Variants in C5 observed in about 807,000 individuals in gnomAD.
C5 encodes the protein complement C5.
A neutral mutation model predicts 218.8 loss-of-function variants in C5; 140 were observed. The ratio of observed to expected loss-of-function variants is 0.64; its 90% CI spans 0.56 to 0.74. The LOEUF is 0.74. C5 is among the 30% of genes least tolerant of loss of function. The pLI, the probability that C5 is intolerant of heterozygous loss-of-function variation, is 0.00. For synonymous variants in C5, 614 were observed against 682.3 expected (o/e 0.90, Z 1.56); for missense variants, 1,700 against 1,969.6 (o/e 0.86, Z 2.59).
At chr9:120,978,644 A>T (rs1172147128) in intron 28 of C5, among the ~76,000 whole-genome samples, 1 of 152,250 alleles carries the variant, frequency 6.6e-6, no homozygotes, top group Non-Finnish European at 1.5e-5. Flanking sequence ...AGATTTATAA[A>T]GCCTTAGCTA....
Position 121,027,231 on chromosome 9 carries a change from T to C in C5, c.802A>G (p.Thr268Ala). Residue 268 changes from threonine to alanine, a missense_variant, in exon 8 of 41, where the codon ACA (threonine) becomes GCA (alanine). Physicochemically the swap from Thr to Ala is moderately conservative, Grantham distance 58. Transcript: ENST00000223642. ...KVVTEADVYI[T>A]FGIREDLKDD... ...TTTAAGTCTTCTCTTATTCCAAATG[T>C]GATATAAACGTCAGCCTCAGTGACT... 6.2e-7 allele frequency: 1 copy of C among 1,601,728 alleles called. No homozygotes were observed. The highest frequency in any genetic ancestry group is 1.1e-5 in the South Asian group (1 of 90,304).
chr9:120,998,697 A>T (rs2047137512), intron 20 of C5, among the ~76,000 whole-genome samples: 1 of 152,068 alleles, frequency 6.6e-6, no homozygotes, highest in Non-Finnish European at 1.5e-5. Flanking sequence ...GGTTGCATGA[A>T]CTCTCTAATC....
In C5 at chr9:121,032,172, G is replaced by A; in HGVS notation, c.608C>T (p.Ala203Val). 1 of 1,605,938 alleles carries A rather than the reference G, an allele frequency of 6.2e-7. No homozygotes were observed. Among genetic ancestry groups the A allele is most frequent in the Non-Finnish European group, 8.5e-7 (1 of 1,172,826 alleles). The change falls in exon 6 of 41, where the codon GCT becomes GTT. Residue 203 changes from alanine to valine, a missense_variant. Coordinates refer to ENST00000223642, the MANE Select transcript of C5 (RefSeq NM_001735.3). ...TGTTGAAAAGTCCTCTTTATATTTAGCCTTGATCGTCCACATACCATATCT... is the reference window on the plus strand; with the variant it reads ...TGTTGAAAAGTCCTCTTTATATTTAACCTTGATCGTCCACATACCATATCT... ...NPRYGMWTIK[A>V]KYKEDFSTTG...
Position 121,041,989 on chromosome 9 carries a change from T to G in C5, c.421+1015A>C, listed in dbSNP as rs181887240. Among the ~76,000 whole-genome samples, 723 of 152,280 alleles carry G rather than the reference T, an allele frequency of 4.7e-3. 25 individuals are homozygous for G. Among genetic ancestry groups the G allele is most frequent in the Non-Finnish European group, 6.9e-4 (47 of 68,022 alleles). On this transcript the variant is annotated intron_variant, in intron 3 of 40. Coordinates refer to ENST00000223642, the MANE Select transcript of C5 (RefSeq NM_001735.3). ...GGTTCAGTCCAGTTCCACCCCACTATTCTCATCATCAACATCAACCAACAT... is the reference window on the plus strand; with the variant it reads ...GGTTCAGTCCAGTTCCACCCCACTAGTCTCATCATCAACATCAACCAACAT...
At chr9:120,984,280 A>C (rs1352381140) in intron 25 of C5, among the ~76,000 whole-genome samples, 1 of 152,166 alleles carries the variant, frequency 6.6e-6, no homozygotes. Context: ...CTCTAGAAAC[A>C]TCAGAAATTT....
At chr9:121,052,780 G>A (rs2047679101), upstream of C5, among the ~76,000 whole-genome samples, 1 of 152,078 alleles carries the variant, frequency 6.6e-6, no homozygotes, top group Non-Finnish European at 1.5e-5. Flanking sequence ...GGTGCTCCTA[G>A]CAGGATAATA....
At chr9:120,953,141 G>A (rs2046758337) in intron 40 of C5, among the ~76,000 whole-genome samples, 1 of 152,150 alleles carries the variant, frequency 6.6e-6, no homozygotes, top group Non-Finnish European at 1.5e-5. Flanking sequence ...AGCCACGATG[G>A]TCTCGATCTC....
At chr9:120,967,829 C>T (rs1252752261) in intron 33 of C5, among the ~76,000 whole-genome samples, 2 of 152,024 alleles carry the variant, frequency 1.3e-5, no homozygotes, top group African/African-American at 4.8e-5. Context: ...TCAAGCAATC[C>T]TCCTGCCTCA....
chr9:121,070,421 ATATATG>A, the C5 span, among the ~76,000 whole-genome samples: 459 of 119,232 alleles, frequency 3.8e-3, 4 homozygotes, highest in African/African-American at 0.013. Flanking sequence ...ATATATATAT[ATATATG>A]TATGTATATT....
At chr9:121,064,785 G>GCA in the C5 span, among the ~76,000 whole-genome samples, 1 of 152,150 alleles carries the variant, frequency 6.6e-6, no homozygotes, top group Non-Finnish European at 1.5e-5. Flanking sequence ...AATAGTCTGG[G>GCA]CACAGCAGCT....
chr9:120,997,382 G>T (rs965957133), intron 21 of C5, among the ~76,000 whole-genome samples, 165 bp downstream of exon 21: 1 of 152,022 alleles, frequency 6.6e-6, no homozygotes, highest in East Asian at 1.9e-4. Flanking sequence ...CAGACTTACA[G>T]AAAAATTGCA....
At chr9:120,994,601 A>T (rs953248202) in intron 22 of C5, among the ~76,000 whole-genome samples, 1 of 152,110 alleles carries the variant, frequency 6.6e-6, no homozygotes, top group Non-Finnish European at 1.5e-5. Flanking sequence ...ACAAAAAAAA[A>T]ATAATAAATA....
intron 19 of C5, 78 bp from the exon 20 acceptor site, chr9:121,006,136 C>T: frequency 6.8e-7 from 1 of 1,460,488 alleles, no homozygotes; most frequent in Non-Finnish European, 9.6e-7. Context: ...AAATTTCTCA[C>T]ATTTGCTTTA....
intron 2 of C5, among the ~76,000 whole-genome samples, chr9:121,044,411 G>A (rs1045225041): frequency 6.6e-6 from 1 of 152,192 alleles, no homozygotes; most frequent in African/African-American, 2.4e-5. Context: ...GGGAGGCGAA[G>A]GCTGCAGTGA....
At chr9:120,988,934 G>A in intron 25 of C5, 112 bp downstream of exon 25, 1 of 804,470 alleles carries the variant, frequency 1.2e-6, no homozygotes. Context: ...AGGAGTGAAG[G>A]ATGACGAGGC....
At chr9:121,013,318 G>GGAAAAAAAAAAAAAAAAAAAAAA (rs775252391) in intron 17 of C5, among the ~76,000 whole-genome samples, 1 of 99,252 alleles carries the variant, frequency 1.0e-5, no homozygotes, top group Non-Finnish European at 2.1e-5. Context: ...GATTCCTACT[G>GGAAAAAAAAAAAAAAAAAAAAAA]AAAAAAAAAA....
At chr9:121,020,852 A>T (rs1051319777) in intron 11 of C5, among the ~76,000 whole-genome samples, 2 of 152,238 alleles carry the variant, frequency 1.3e-5, no homozygotes, top group Non-Finnish European at 1.5e-5. Context: ...CACAATGGCA[A>T]AGATAATATT....
the C5 span, among the ~76,000 whole-genome samples, chr9:121,056,451 T>C: frequency 1.3e-5 from 2 of 152,222 alleles, no homozygotes; most frequent in African/African-American, 2.4e-5. Flanking sequence ...CTGGCTAAAA[T>C]ATAGATTACT....
At position 121,017,371 on chromosome 9, in the gene C5, G is replaced by T; in HGVS notation, c.1857C>A (p.Pro619=). ...VYGVQRGAKK[P]LERVFQFLEK... ...ACATGCATTACTTAACTCTTTCCAA[G>T]GGCTTTTTGGCTCCTCTTTGGACTC... The change falls in exon 14 of 41, where the codon CCC becomes CCA. Residue 619 remains proline, a synonymous_variant. Transcript: ENST00000223642. 1 of 1,613,678 alleles carries T rather than the reference G, an allele frequency of 6.2e-7. No individual in the cohort carries two copies. Among genetic ancestry groups the T allele is most frequent in the Non-Finnish European group, 8.5e-7 (1 of 1,179,876 alleles).
Sources: allele counts gnomAD v4.1 joint callset (sites outside exome capture counted in the v4.1 genomes callset), GRCh38; gene constraint gnomAD v4.1.1; transcripts MANE v1.5; gene names NCBI Gene and HGNC (gene_info 2026-07-23, HGNC 2026-07-21).